The following ZNF680 variants were observed in gnomAD, a reference collection of about 807,000 sequenced individuals.
The protein encoded by ZNF680 is zinc finger protein 680, also known as hypothetical protein FLJ90430.
In ZNF680, 6 loss-of-function variants were observed where a neutral mutation model predicts 12.1. That is an observed-to-expected ratio of 0.49 (90% CI 0.27 to 0.98). ZNF680 has a LOEUF of 0.98. Among genes scored for constraint, ZNF680 ranks in the 50% least tolerant of loss-of-function variants. ZNF680 has a pLI of 0.12. For missense variants in ZNF680, 561 were observed against 616.3 expected (o/e 0.91, Z 0.95); for synonymous variants, 170 against 199.3 (o/e 0.85, Z 1.24).
At chr7:64,501,074 T>C in the ZNF680 span, 7 of 893,376 alleles carry the variant, frequency 7.8e-6, no homozygotes, top group Admixed American at 1.3e-4. Flanking sequence ...GATATTAACC[T>C]GGCTGCAGAG....
At chr7:64,553,474 A>T (rs1787193704) in intron 1 of ZNF680, among the ~76,000 whole-genome samples, 1 of 152,206 alleles carries the variant, frequency 6.6e-6, no homozygotes, top group South Asian at 2.1e-4. Flanking sequence ...AGTCTTGGAC[A>T]TCTGAATTTC....
intron 3 of ZNF680, among the ~76,000 whole-genome samples, chr7:64,536,898 G>A (rs1002697023): frequency 6.6e-6 from 1 of 152,056 alleles, no homozygotes; most frequent in Non-Finnish European, 1.5e-5. Flanking sequence ...GTGAGGCCCT[G>A]TCCCTACAAA....
the ZNF680 span, among the ~76,000 whole-genome samples, chr7:64,513,124 AT>A: frequency 6.6e-6 from 1 of 152,152 alleles, no homozygotes; most frequent in Non-Finnish European, 1.5e-5. Context: ...GTCAAAATTC[AT>A]CTGCACCTAG....
At position 64,522,302 on chromosome 7, in the gene ZNF680, C is replaced by A. The variant is rs771911311; in HGVS notation, c.452G>T (p.Ser151Ile). Residue 151 changes from serine to isoleucine, a missense_variant, in exon 4 of 4, where the codon AGC becomes ATC. By Grantham distance (142) the Ser-to-Ile change is moderately radical. Coordinates refer to ENST00000309683, the MANE Select transcript of ZNF680 (RefSeq NM_178558.5). ...ELNQCLRTTQ[S>I]KIFQCDKYVK... The stretch of plus-strand genomic sequence containing the variant: ...GTATTTATCACATTGAAATATTTTG[C>A]TCTGGGTAGTTCTCAAACATTGGTT... 24 of 1,613,038 alleles carry A rather than the reference C, an allele frequency of 1.5e-5. No individual in the cohort carries two copies. In the South Asian group the frequency reaches 2.5e-4, roughly 17 times the overall value.
At chr7:64,554,447 G>A (rs1417428693) in intron 1 of ZNF680, among the ~76,000 whole-genome samples, 3 of 152,148 alleles carry the variant, frequency 2.0e-5, no homozygotes, top group Non-Finnish European at 2.9e-5. Flanking sequence ...GCCCCGTCTG[G>A]GAGGTGGGGG....
At chr7:64,519,138 CA>C, downstream of ZNF680, among the ~76,000 whole-genome samples, 2 of 151,808 alleles carry the variant, frequency 1.3e-5, 1 homozygote, top group South Asian at 4.1e-4. Context: ...TCATATAAAC[CA>C]GCAAGAAATA....
chr7:64,551,337 G>A (rs995517809), intron 1 of ZNF680, among the ~76,000 whole-genome samples: 1 of 152,066 alleles, frequency 6.6e-6, no homozygotes, highest in East Asian at 1.9e-4. Context: ...CTCCCCAAGC[G>A]TTGGACTACA....
Position 64,522,266 on chromosome 7 carries a change from A to C in ZNF680, c.488T>G (p.Phe163Cys). 4.3e-6 allele frequency: 7 copies of C among 1,612,996 alleles called. No individual in the cohort carries two copies. Among genetic ancestry groups the C allele is most frequent in the Non-Finnish European group, 3.4e-6 (4 of 1,179,434 alleles). Reference sequence around the variant, plus strand: ...ACTGTTTGAATTTGAAAATTTATGAAAGACTTTCACGTATTTATCACATTG... The same window carrying C: ...ACTGTTTGAATTTGAAAATTTATGACAGACTTTCACGTATTTATCACATTG... ...IFQCDKYVKV[F>C]HKFSNSNSHK... The change falls in exon 4 of 4, where the codon TTT becomes TGT. Residue 163 changes from phenylalanine (F) to cysteine (C), a missense_variant. Transcript: ENST00000309683.
intron 3 of ZNF680, among the ~76,000 whole-genome samples, chr7:64,536,379 G>A (rs958044015): frequency 6.6e-6 from 1 of 152,192 alleles, no homozygotes; most frequent in Non-Finnish European, 1.5e-5. Context: ...AGGGTCTCAG[G>A]AAGCTTACAA....
At chr7:64,562,509 G>C (rs1190677472) in intron 1 of ZNF680, among the ~76,000 whole-genome samples, 2 of 152,132 alleles carry the variant, frequency 1.3e-5, no homozygotes, top group Non-Finnish European at 2.9e-5. Context: ...GGTGCTCTAC[G>C]ATTTTTGAAC....
At chr7:64,500,799 G>T in the ZNF680 span, 1 of 347,084 alleles carries the variant, frequency 2.9e-6, no homozygotes, top group South Asian at 3.1e-5. Flanking sequence ...CCTGTTTTTG[G>T]CTTTGTGGGA....
At chr7:64,537,982 CG>C (rs1786267717) in intron 3 of ZNF680, among the ~76,000 whole-genome samples, 1 of 151,820 alleles carries the variant, frequency 6.6e-6, no homozygotes, top group Non-Finnish European at 1.5e-5. Context: ...CAGAAAAGAA[CG>C]CTTTTGTGTA....
At chr7:64,517,692 TA>T (rs950102841), downstream of ZNF680, among the ~76,000 whole-genome samples, 15 of 147,402 alleles carry the variant, frequency 1.0e-4, no homozygotes, top group South Asian at 2.2e-4. Context: ...TAAAATCCTT[TA>T]AAAAAAAAAA....
In ZNF680 at chr7:64,521,589, GTATA is replaced by G; in HGVS notation, c.1161_1164del (p.Ile388SerfsTer9). 12 of 1,611,358 alleles carry G rather than the reference GTATA, an allele frequency of 7.4e-6. No homozygotes were observed. Among genetic ancestry groups the G allele is most frequent in the Non-Finnish European group, 1.0e-5 (12 of 1,179,424 alleles). On this transcript the variant is annotated frameshift_variant, in exon 4 of 4. Transcript: ENST00000309683. LOFTEE classifies it low-confidence loss of function (END_TRUNC). ...ATATGTTCAGTAAGGTTTGAGGACTGTATAAAAGCTTTGCCGCATTCTTCACATT... is the reference window on the plus strand; with the variant it reads ...ATATGTTCAGTAAGGTTTGAGGACTGAAAGCTTTGCCGCATTCTTCACATT...
In ZNF680 at chr7:64,522,215, T is replaced by G; in HGVS notation, c.539A>C (p.Lys180Thr). Reference protein sequence around the residue: ...NSHKKRNTGKKVFKCKECGKS... With the variant: ...NSHKKRNTGKTVFKCKECGKS... Reference sequence around the variant, plus strand: ...GCCACATTCTTTACATTTGAAAACCTTCTTTCCAGTATTTCTTTTCTTATG... The same window carrying G: ...GCCACATTCTTTACATTTGAAAACCGTCTTTCCAGTATTTCTTTTCTTATG... The change falls in exon 4 of 4, where the codon AAG (lysine) becomes ACG (threonine). Residue 180 changes from lysine (K) to threonine (T), a missense_variant. Transcript: ENST00000309683. The G allele has an allele frequency of 6.2e-7, 1 of 1,612,624 alleles. No individual in the cohort carries two copies. Among genetic ancestry groups the G allele is most frequent in the Non-Finnish European group, 8.5e-7 (1 of 1,179,132 alleles).
chr7:64,509,136 G>T, the ZNF680 span, among the ~76,000 whole-genome samples: 437 of 152,218 alleles, frequency 2.9e-3, 1 homozygote, highest in African/African-American at 9.7e-3. Flanking sequence ...TATAATAATA[G>T]CCTATCCAAC....
the ZNF680 span, among the ~76,000 whole-genome samples, chr7:64,508,276 A>T: frequency 1.3e-5 from 2 of 151,520 alleles, no homozygotes; most frequent in Admixed American, 1.3e-4. Context: ...ACTACATTTA[A>T]ATTTACTGGA....
At chr7:64,501,016 G>T in the ZNF680 span, 2 of 695,120 alleles carry the variant, frequency 2.9e-6, no homozygotes, top group African/African-American at 1.8e-5. Context: ...GAAATGCCCC[G>T]GCTGCTGTAG....
chr7:64,557,144 C>T (rs974678548), intron 1 of ZNF680, among the ~76,000 whole-genome samples: 21 of 151,302 alleles, frequency 1.4e-4, no homozygotes, highest in African/African-American at 4.9e-4. Context: ...CCAGCTACTC[C>T]GGAGGCTGAG....
Sources: gnomAD v4.1 joint callset for allele counts (sites outside exome capture counted in the v4.1 genomes callset) on GRCh38, gnomAD v4.1.1 for gene constraint, MANE v1.5 for transcripts, NCBI Gene and HGNC (gene_info 2026-07-23, HGNC 2026-07-21) for gene names.